Variants in COLEC10 observed in about 807,000 individuals in gnomAD.
COLEC10 encodes the protein collectin-10.
COLEC10 carries 22 observed loss-of-function variants against 28.4 expected under a neutral mutation model. The observed-to-expected ratio is 0.78, with a 90% confidence interval of 0.55 to 1.11. The LOEUF (loss-of-function observed/expected upper bound fraction) is 1.11. Ranked by LOEUF, COLEC10 falls within the 50% of genes least tolerant of loss-of-function variation. The pLI, the probability that COLEC10 is intolerant of heterozygous loss-of-function variation, is 0.00. For synonymous variants in COLEC10, 125 were observed against 116.1 expected (o/e 1.08, Z -0.49); for missense variants, 361 against 344.1 (o/e 1.05, Z -0.39).
exon 1 of COLEC10, chr8:118,995,470 G>A (rs545364032): frequency 6.6e-6 from 1 of 152,216 alleles, no homozygotes; most frequent in East Asian, 1.9e-4. Flanking sequence ...AGAATATTGC[G>A]GCAGGAACAG....
chr8:119,066,838 A>T (rs1040933932), upstream of COLEC10, among the ~76,000 whole-genome samples: 3 of 152,220 alleles, frequency 2.0e-5, no homozygotes, highest in Non-Finnish European at 4.4e-5. Flanking sequence ...CAGGTAATAA[A>T]TATCACCTTA....
At chr8:119,061,563 AAT>A (rs1814856963) in intron 2 of COLEC10, among the ~76,000 whole-genome samples, 2 of 152,118 alleles carry the variant, frequency 1.3e-5, no homozygotes, top group Admixed American at 1.3e-4. Flanking sequence ...AAGAAAATAG[AAT>A]ATCTTTATAC....
chr8:119,071,491 C>T (rs981855437), intron 1 of COLEC10, among the ~76,000 whole-genome samples: 8 of 152,144 alleles, frequency 5.3e-5, no homozygotes, highest in African/African-American at 9.7e-5. Flanking sequence ...TCTGCCTGGC[C>T]CACACTTACC....
intron 2 of COLEC10, among the ~76,000 whole-genome samples, chr8:119,043,299 C>CATATCTTGCA (rs1814530173): frequency 6.6e-6 from 1 of 152,076 alleles, no homozygotes; most frequent in South Asian, 2.1e-4. Context: ...TCAGAAGACA[C>CATATCTTGCA]ATAAAACATT....
chr8:119,038,002 TA>T lies in COLEC10; in HGVS notation n.235+28452del, dbSNP rs1245667300. Reference sequence around the variant, plus strand: ...AGTTTGACACATAATAGAGGCTCAATAAATAGAGGCTGAATTTATTCAGGAG... The same window carrying T: ...AGTTTGACACATAATAGAGGCTCAATAATAGAGGCTGAATTTATTCAGGAG... On this transcript the variant is annotated intron_variant and non_coding_transcript_variant, in intron 2 of 6. Coordinates refer to the COLEC10 transcript ENST00000521788. 3.3e-5 allele frequency among the ~76,000 whole-genome samples: 5 copies of T among 152,366 alleles called. No homozygotes were observed. In the East Asian group the frequency reaches 9.6e-4, roughly 29 times the overall value.
At chr8:119,039,905 A>T (rs561663560) in intron 2 of COLEC10, among the ~76,000 whole-genome samples, 109 of 152,308 alleles carry the variant, frequency 7.2e-4, no homozygotes, top group African/African-American at 2.6e-3. Flanking sequence ...TTTTAAGGGA[A>T]GTAGATTCAA....
intron 2 of COLEC10, among the ~76,000 whole-genome samples, chr8:119,010,913 A>G (rs752871375): frequency 2.0e-5 from 3 of 150,988 alleles, no homozygotes; most frequent in Non-Finnish European, 4.4e-5. Flanking sequence ...CTTATAAGAT[A>G]TGTCTTACGT....
At chr8:119,069,097 C>T (rs1369805385) in intron 1 of COLEC10, among the ~76,000 whole-genome samples, 1 of 152,028 alleles carries the variant, frequency 6.6e-6, no homozygotes, top group African/African-American at 2.4e-5. Flanking sequence ...AGTAACCTGT[C>T]CTAGCTCTCG....
intron 4 of COLEC10, among the ~76,000 whole-genome samples, chr8:119,103,409 C>T (rs191800964): frequency 1.9e-3 from 282 of 152,122 alleles, no homozygotes; most frequent in African/African-American, 6.4e-3. Context: ...AATGCAATAA[C>T]ACAAGAGAAC....
At chr8:119,081,308 A>G (rs2450075) in intron 1 of COLEC10, among the ~76,000 whole-genome samples, 109,025 of 151,604 alleles carry the variant, frequency 0.72, 40,277 homozygotes, top group African/African-American at 0.89. Context: ...TTCTCTAATA[A>G]TCTGGACATT....
At chr8:118,965,259 C>A in the COLEC10 span, among the ~76,000 whole-genome samples, 2 of 151,962 alleles carry the variant, frequency 1.3e-5, no homozygotes, top group Admixed American at 1.3e-4. Context: ...CCCAATAGCT[C>A]AAAATATCAT....
intron 1 of COLEC10, 26 bp from the exon 2 acceptor site, chr8:119,089,654 C>T: frequency 6.4e-7 from 1 of 1,573,378 alleles, no homozygotes; most frequent in Non-Finnish European, 8.7e-7. Context: ...AGATGCTTCA[C>T]TCTATCTCAT....
the COLEC10 span, among the ~76,000 whole-genome samples, chr8:118,985,033 C>T: frequency 6.6e-6 from 1 of 152,020 alleles, no homozygotes; most frequent in African/African-American, 2.4e-5. Flanking sequence ...CCTCACACAA[C>T]ACATGGAATT....
chr8:118,966,690 T>A, the COLEC10 span, among the ~76,000 whole-genome samples: 4 of 150,618 alleles, frequency 2.7e-5, no homozygotes, highest in South Asian at 2.1e-4. Context: ...TTTTTTTTTT[T>A]AAATGACTGG....
chr8:119,066,947 T>C (rs1240444857), upstream of COLEC10, among the ~76,000 whole-genome samples: 1 of 152,188 alleles, frequency 6.6e-6, no homozygotes, highest in African/African-American at 2.4e-5. Flanking sequence ...TTAAATGCAA[T>C]ATAGCCTATT....
In COLEC10 at chr8:119,085,730, G is replaced by A. The variant is rs138172943; in HGVS notation, c.149-3950G>A. Among the ~76,000 whole-genome samples the A allele has an allele frequency of 2.9e-3, 440 of 150,812 alleles. 1 individual carries two copies. Among genetic ancestry groups the A allele is most frequent in the African/African-American group, 0.01 (429 of 41,092 alleles). ...GCCTCCCGAGTTCAAGCGATCTCCT[G>A]CCTCAGCCTCCTGAGTAACTGGGAT... On this transcript the variant is annotated intron_variant, in intron 1 of 5. Coordinates refer to ENST00000332843, the MANE Select transcript of COLEC10 (RefSeq NM_006438.5).
Position 119,089,818 on chromosome 8 carries a change from G to A in COLEC10, c.220+67G>A, listed in dbSNP as rs1437492511. 6.7e-6 allele frequency: 9 copies of A among 1,352,686 alleles called. No homozygotes were observed. In the East Asian group the frequency reaches 1.7e-4, roughly 26 times the overall value. The allele number at this position is 1,352,686 out of a possible 1,614,324, so 83.8% of individuals were successfully genotyped here. On this transcript the variant is annotated intron_variant, in intron 2 of 5. Coordinates refer to ENST00000332843, the MANE Select transcript of COLEC10 (RefSeq NM_006438.5). ...TGTTCTTCTATCTCTCCTGGCCCTT[G>A]CCCTGGAAATTAGCAGCTTTCATAA... is the stretch of plus-strand genomic sequence containing the variant.
chr8:119,018,449 T>G (rs1814031708), intron 2 of COLEC10, among the ~76,000 whole-genome samples: 1 of 152,228 alleles, frequency 6.6e-6, no homozygotes, highest in Admixed American at 6.5e-5. Context: ...GGCTTTGAGA[T>G]GCTTGCTTAT....
chr8:118,965,521 T>C, the COLEC10 span, among the ~76,000 whole-genome samples: 2 of 152,070 alleles, frequency 1.3e-5, no homozygotes, highest in African/African-American at 2.4e-5. Flanking sequence ...TGGTAGGTTC[T>C]GGTGACCGGG....
Sources: gnomAD v4.1 joint callset for allele counts (sites outside exome capture counted in the v4.1 genomes callset) on GRCh38, gnomAD v4.1.1 for gene constraint, MANE v1.5 for transcripts, NCBI Gene and HGNC (gene_info 2026-07-23, HGNC 2026-07-21) for gene names.